The following ANO10 variants were observed in gnomAD, a reference collection of about 807,000 sequenced individuals.
ANO10 encodes anoctamin 10, also known as anoctamin-10.
A neutral mutation model predicts 74.7 loss-of-function variants in ANO10; 77 were observed. The ratio of observed to expected loss-of-function variants is 1.03; its 90% confidence interval spans 0.86 to 1.25. ANO10 has a LOEUF of 1.25. ANO10 is among the 50% of genes most tolerant of loss of function. The pLI is 0.00. For synonymous variants in ANO10, 279 were observed against 284.9 expected, an observed-to-expected ratio of 0.98 and a Z score of 0.21; for missense variants, 721 against 778.1, an observed-to-expected ratio of 0.93 and a Z score of 0.87.
At chr3:43,640,626 T>C (rs1337572771) in intron 1 of ANO10, among the ~76,000 whole-genome samples, 1 of 152,180 alleles carries the variant, frequency 6.6e-6, no homozygotes, top group Admixed American at 6.5e-5. Flanking sequence ...CCAAATAAAA[T>C]GGTGAATTCT....
chr3:43,579,007 A>G (rs1575472676), intron 5 of ANO10, among the ~76,000 whole-genome samples: 1 of 152,146 alleles, frequency 6.6e-6, no homozygotes, highest in East Asian at 1.9e-4. Flanking sequence ...AAAACATTAT[A>G]TAATAGTTGT....
At chr3:43,669,876 C>G (rs2084036223) in intron 1 of ANO10, among the ~76,000 whole-genome samples, 1 of 152,014 alleles carries the variant, frequency 6.6e-6, no homozygotes, top group Admixed American at 6.5e-5. Context: ...CAGGTGCCCG[C>G]CACCACGCCT....
chr3:43,585,555 T>C (rs1046733456), intron 4 of ANO10, among the ~76,000 whole-genome samples: 1 of 152,188 alleles, frequency 6.6e-6, no homozygotes, highest in Non-Finnish European at 1.5e-5. Flanking sequence ...GCTGCTCCAT[T>C]ATCCCATCTG....
intron 11 of ANO10, among the ~76,000 whole-genome samples, chr3:43,444,722 G>A (rs1228871440): frequency 2.0e-5 from 3 of 152,172 alleles, no homozygotes; most frequent in Non-Finnish European, 4.4e-5. Flanking sequence ...TCGACCTCCT[G>A]TGGTCACCTG....
At chr3:43,452,820 T>A (rs1335068727) in intron 11 of ANO10, among the ~76,000 whole-genome samples, 1 of 152,236 alleles carries the variant, frequency 6.6e-6, no homozygotes, top group Non-Finnish European at 1.5e-5. Flanking sequence ...TTTCAGTTGC[T>A]CTACATCCTC....
chr3:43,393,251 C>G (rs1335439455), intron 12 of ANO10, among the ~76,000 whole-genome samples: 1 of 152,204 alleles, frequency 6.6e-6, no homozygotes, highest in African/African-American at 2.4e-5. Context: ...CAAGGCTATC[C>G]TTCCATCAAG....
chr3:43,513,881 A>C (rs558446667), intron 11 of ANO10, among the ~76,000 whole-genome samples: 6 of 151,920 alleles, frequency 3.9e-5, no homozygotes, highest in Admixed American at 3.9e-4. Flanking sequence ...AATAATAAAA[A>C]TACCTACGTA....
chr3:43,605,592 A>G, intron 2 of ANO10, 122 bp downstream of exon 2: 1 of 1,328,742 alleles, frequency 7.5e-7, no homozygotes, highest in South Asian at 1.3e-5. Context: ...AATAAAATAT[A>G]TCAACGAAAA....
At chr3:43,606,534 C>T (rs1410531538) in intron 1 of ANO10, among the ~76,000 whole-genome samples, 1 of 151,488 alleles carries the variant, frequency 6.6e-6, no homozygotes, top group East Asian at 1.9e-4. Context: ...AGTTAGGGGG[C>T]CATTAAAGGA....
intron 9 of ANO10, among the ~76,000 whole-genome samples, chr3:43,557,103 A>G (rs2079787949): frequency 6.6e-6 from 1 of 152,236 alleles, no homozygotes; most frequent in East Asian, 1.9e-4. Context: ...AAGGAAAAGG[A>G]AAGTTTCAAA....
At chr3:43,527,394 T>G (rs1214296069) in intron 11 of ANO10, among the ~76,000 whole-genome samples, 4 of 152,112 alleles carry the variant, frequency 2.6e-5, no homozygotes, top group African/African-American at 9.7e-5. Context: ...GAAGATGAAG[T>G]ACTCTTTAGT....
chr3:43,441,443 C>A (rs1034203669), intron 11 of ANO10, among the ~76,000 whole-genome samples: 2 of 151,804 alleles, frequency 1.3e-5, no homozygotes, highest in Admixed American at 1.3e-4. Flanking sequence ...AAACATGCAA[C>A]CTACCAAAAC....
intron 1 of ANO10, among the ~76,000 whole-genome samples, chr3:43,620,796 GTT>G (rs1404622999): frequency 6.6e-6 from 1 of 152,180 alleles, no homozygotes; most frequent in African/African-American, 2.4e-5. Flanking sequence ...GTTTCAGTGG[GTT>G]TAAGTGCATT....
chr3:43,522,654 T>C (rs1028318600), intron 11 of ANO10, among the ~76,000 whole-genome samples: 4 of 152,218 alleles, frequency 2.6e-5, no homozygotes, highest in South Asian at 2.1e-4. Context: ...CAAATACCAA[T>C]TCTGGTGTAT....
chr3:43,369,372 G>C (rs552334915), intron 12 of ANO10, among the ~76,000 whole-genome samples: 27 of 152,384 alleles, frequency 1.8e-4, no homozygotes, highest in African/African-American at 5.8e-4. Flanking sequence ...ACTACTGGTG[G>C]CAAAGGTAGA....
intron 1 of ANO10, among the ~76,000 whole-genome samples, chr3:43,611,625 G>C (rs6779864): frequency 0.78 from 118,334 of 152,152 alleles, 46,575 homozygotes; most frequent in East Asian, 0.89. Flanking sequence ...ACATGCCACA[G>C]TGAATGGTGT....
intron 11 of ANO10, 149 bp from the exon 12 acceptor site, chr3:43,432,876 C>T (rs1412814055): frequency 1.6e-6 from 1 of 642,840 alleles, no homozygotes; most frequent in Non-Finnish European, 2.8e-6. Context: ...ACCAAGCAGG[C>T]CCATGAGTTG....
At chr3:43,496,384 G>A (rs2076915038) in intron 11 of ANO10, among the ~76,000 whole-genome samples, 1 of 152,138 alleles carries the variant, frequency 6.6e-6, no homozygotes, top group Non-Finnish European at 1.5e-5. Flanking sequence ...TTCCTAAGGA[G>A]TGTCAAATTT....
At chr3:43,595,602 G>A (rs2082037594) in intron 4 of ANO10, among the ~76,000 whole-genome samples, 1 of 152,120 alleles carries the variant, frequency 6.6e-6, no homozygotes, top group South Asian at 2.1e-4. Context: ...GGTACTGATG[G>A]GATGTATCTC....
Sources: gnomAD v4.1 joint callset for allele counts (sites outside exome capture counted in the v4.1 genomes callset) on GRCh38, gnomAD v4.1.1 for gene constraint, MANE v1.5 for transcripts, NCBI Gene and HGNC (gene_info 2026-07-23, HGNC 2026-07-21) for gene names.